The following RALGAPA2 variants were observed in gnomAD, a reference collection of about 807,000 sequenced individuals.
RALGAPA2 encodes the protein Ral GTPase activating protein catalytic subunit alpha 2, also known as ral GTPase-activating protein subunit alpha-2.
RALGAPA2 carries 139 observed loss-of-function variants against 230.4 expected under a neutral mutation model. The observed-to-expected ratio is 0.60, with a 90% CI of 0.53 to 0.69. The LOEUF is 0.69. Ranked by LOEUF, RALGAPA2 falls within the 30% of genes least tolerant of loss-of-function variation. The pLI is 0.00. For missense variants in RALGAPA2, 2,163 were observed against 2,276.0 expected, an observed-to-expected ratio of 0.95 and a Z score of 1.01; for synonymous variants, 847 against 837.8, an observed-to-expected ratio of 1.01 and a Z score of -0.19.
chr20:20,415,765 A>G (rs1395119672), intron 37 of RALGAPA2, among the ~76,000 whole-genome samples: 1 of 152,198 alleles, frequency 6.6e-6, no homozygotes, highest in Non-Finnish European at 1.5e-5. Context: ...CTACTTTACT[A>G]AAGAGGTTAT....
At position 20,526,266 on chromosome 20, in the gene RALGAPA2, G is replaced by A. The variant is rs766410194; in HGVS notation, c.3679C>T (p.Arg1227Trp). 13 of 1,596,924 alleles carry A rather than the reference G, an allele frequency of 8.1e-6. No homozygotes were observed. In the East Asian group the frequency reaches 8.9e-5, roughly 11 times the overall value. The change falls in exon 28 of 40, where the codon CGG becomes TGG. Residue 1227 changes from arginine (R) to tryptophan (W), a missense_variant. Arg to Trp is a moderately radical substitution (Grantham distance 101). Coordinates refer to ENST00000202677, the MANE Select transcript of RALGAPA2 (RefSeq NM_020343.4). ...AAAAGACTTACTTCTGCCATTTTCCGAGGCAGAGAGGTTTCAAACATCTGA... is the reference window on the plus strand; with the variant it reads ...AAAAGACTTACTTCTGCCATTTTCCAAGGCAGAGAGGTTTCAAACATCTGA... ...KLQMFETSLPRKMAEILVATV... is the reference protein window; with the variant it reads ...KLQMFETSLPWKMAEILVATV...
At chr20:20,622,508 G>A (rs985335043) in intron 10 of RALGAPA2, among the ~76,000 whole-genome samples, 3 of 152,130 alleles carry the variant, frequency 2.0e-5, no homozygotes, top group African/African-American at 7.2e-5. Context: ...CGTGACTTTC[G>A]ATGACTTCTC....
intron 37 of RALGAPA2, among the ~76,000 whole-genome samples, chr20:20,454,986 A>AT (rs1299855118): frequency 6.6e-6 from 1 of 152,240 alleles, no homozygotes; most frequent in African/African-American, 2.4e-5. Flanking sequence ...TGAGAAGGGA[A>AT]TGAATATCTG....
intron 37 of RALGAPA2, among the ~76,000 whole-genome samples, chr20:20,452,531 G>T (rs1035117731): frequency 6.6e-6 from 1 of 152,236 alleles, no homozygotes; most frequent in African/African-American, 2.4e-5. Context: ...CGGCGGCGAG[G>T]ACAGGAACCC....
chr20:20,447,833 T>A (rs928457763), intron 37 of RALGAPA2, among the ~76,000 whole-genome samples: 2 of 152,172 alleles, frequency 1.3e-5, no homozygotes, highest in African/African-American at 4.8e-5. Context: ...CGACAGTATC[T>A]GAGGATCTCT....
chr20:20,511,169 T>G, intron 33 of RALGAPA2, 85 bp downstream of exon 33: 1 of 1,523,152 alleles, frequency 6.6e-7, no homozygotes, highest in Non-Finnish European at 8.8e-7. Flanking sequence ...TCTCAGTAAG[T>G]CTATTCATTC....
At chr20:20,517,453 C>G (rs1157543635) in intron 31 of RALGAPA2, among the ~76,000 whole-genome samples, 1 of 152,224 alleles carries the variant, frequency 6.6e-6, no homozygotes, top group Non-Finnish European at 1.5e-5. Context: ...ATCTAACCAC[C>G]TGCTTTAGCT....
At chr20:20,649,689 G>C (rs372713556) in intron 4 of RALGAPA2, among the ~76,000 whole-genome samples, 28 of 151,928 alleles carry the variant, frequency 1.8e-4, no homozygotes, top group Admixed American at 4.6e-4. Context: ...TATTGAGTTC[G>C]GGCACAGCAC....
chr20:20,441,758 C>T (rs1201274029), intron 37 of RALGAPA2, among the ~76,000 whole-genome samples: 1 of 152,196 alleles, frequency 6.6e-6, no homozygotes, highest in Non-Finnish European at 1.5e-5. Context: ...TTAAATACTG[C>T]TGTCCTAGGG....
chr20:20,425,850 G>C (rs947215768), intron 37 of RALGAPA2, among the ~76,000 whole-genome samples: 16 of 152,218 alleles, frequency 1.1e-4, no homozygotes, highest in Admixed American at 1.0e-3. Flanking sequence ...ATGATCAGAA[G>C]TAGCAAAAGT....
At chr20:20,550,441 C>T (rs1361157274) in intron 23 of RALGAPA2, among the ~76,000 whole-genome samples, 1 of 152,168 alleles carries the variant, frequency 6.6e-6, no homozygotes, top group Non-Finnish European at 1.5e-5. Context: ...AATATAAGCA[C>T]AGAATGCAAT....
Position 20,412,188 on chromosome 20 carries a change from T to G in RALGAPA2, c.5496-40A>C, listed in dbSNP as rs115274471. On this transcript the variant is annotated intron_variant, in intron 37 of 39. Coordinates refer to ENST00000202677, the MANE Select transcript of RALGAPA2 (RefSeq NM_020343.4). ...TAAGGAAACAAGTGCACGTGCAAAG[T>G]GGCATGCAGAGCAGTGACAGAATTC... 8,205 of 1,610,308 alleles carry G rather than the reference T, an allele frequency of 5.1e-3. 331 individuals are homozygous for G. In the African/African-American group the frequency reaches 0.093, roughly 18 times the overall value.
At chr20:20,496,861 T>C (rs2062220775) in intron 35 of RALGAPA2, among the ~76,000 whole-genome samples, 1 of 152,220 alleles carries the variant, frequency 6.6e-6, no homozygotes, top group Non-Finnish European at 1.5e-5. Context: ...TGGGAATGAC[T>C]GTACAGGCCA....
chr20:20,672,092 C>T (rs2068155709), intron 3 of RALGAPA2, among the ~76,000 whole-genome samples: 1 of 152,172 alleles, frequency 6.6e-6, no homozygotes, highest in East Asian at 1.9e-4. Flanking sequence ...CCCCAGTTCC[C>T]AGCTATGGTA....
intron 1 of RALGAPA2, among the ~76,000 whole-genome samples, chr20:20,708,603 A>G (rs544260022): frequency 6.6e-6 from 1 of 152,204 alleles, no homozygotes; most frequent in Non-Finnish European, 1.5e-5. Context: ...TGGAACTGTG[A>G]GTCAATTAAA....
In RALGAPA2 at chr20:20,620,449, G is replaced by GT; in HGVS notation, c.1401+13dup. ...TATTTACCCTCAACTCAAAAGACAA[G>GT]TGAAAAAAATTACCTCCTTGCTATC... On this transcript the variant is annotated intron_variant, in intron 11 of 39. Transcript: ENST00000202677. 6.2e-7 allele frequency: 1 copy of GT among 1,611,786 alleles called. No individual in the cohort carries two copies. Among genetic ancestry groups the GT allele is most frequent in the African/African-American group, 1.3e-5 (1 of 74,812 alleles).
At chr20:20,591,859 C>T (rs1453763848) in intron 16 of RALGAPA2, among the ~76,000 whole-genome samples, 2 of 152,126 alleles carry the variant, frequency 1.3e-5, no homozygotes, top group Admixed American at 1.3e-4. Flanking sequence ...CTCTAAAGTA[C>T]AGAATGATCC....
chr20:20,524,576 G>A, intron 29 of RALGAPA2, 33 bp from the exon 30 acceptor site: 3 of 1,613,060 alleles, frequency 1.9e-6, no homozygotes, highest in Non-Finnish European at 2.5e-6. Flanking sequence ...AGCTTATGCT[G>A]CAGTCTCTTA....
intron 1 of RALGAPA2, among the ~76,000 whole-genome samples, chr20:20,689,585 T>G (rs2068828118): frequency 6.6e-6 from 1 of 152,312 alleles, no homozygotes; most frequent in South Asian, 2.1e-4. Context: ...GAGGTTGCAG[T>G]GAGCCGAGAT....
Sources: allele counts gnomAD v4.1 joint callset (sites outside exome capture counted in the v4.1 genomes callset), GRCh38; gene constraint gnomAD v4.1.1; transcripts MANE v1.5; gene names NCBI Gene and HGNC (gene_info 2026-07-23, HGNC 2026-07-21).